The following BMPR2 variants were observed in gnomAD, a reference collection of about 807,000 sequenced individuals.
The protein encoded by BMPR2 is bone morphogenetic protein receptor type-2.
A neutral mutation model predicts 100.8 loss-of-function variants in BMPR2; 29 were observed. The observed-to-expected ratio is 0.29, with a 90% confidence interval of 0.21 to 0.39. The LOEUF is 0.39. Ranked by LOEUF, BMPR2 falls within the 10% of genes least tolerant of loss-of-function variation. BMPR2 has a pLI of 1.00. For missense variants in BMPR2, 1,011 were observed against 1,274.5 expected (o/e 0.79, Z 3.15); for synonymous variants, 382 against 442.3 (o/e 0.86, Z 1.71).
chr2:202,497,786 C>G (rs1693072881), intron 3 of BMPR2, among the ~76,000 whole-genome samples: 1 of 152,194 alleles, frequency 6.6e-6, no homozygotes, highest in South Asian at 2.1e-4. Flanking sequence ...AAATTGCTAC[C>G]TGTCTCTGGT....
At position 202,464,815 on chromosome 2, in the gene BMPR2, A is replaced by G; in HGVS notation, c.83A>G (p.Gln28Arg). Residue 28 changes from glutamine (Q) to arginine (R), a missense_variant, in exon 2 of 13, where the codon CAG becomes CGG. Gln to Arg is a conservative substitution (Grantham distance 43). This residue lies in a region of BMPR2 where 355 missense variants were observed against 455.3 expected (regional missense o/e 0.78). Transcript: ENST00000374580. Reference sequence around the variant, plus strand: ...TTTATTTCCTTTATTTTAGCTTCGCAGAATCAAGAACGGCTATGTGCGTTT... The same window carrying G: ...TTTATTTCCTTTATTTTAGCTTCGCGGAATCAAGAACGGCTATGTGCGTTT... ...ILLVSTAAASQNQERLCAFKD... is the reference protein window; with the variant it reads ...ILLVSTAAASRNQERLCAFKD... The G allele has an allele frequency of 6.2e-7, 1 of 1,610,946 alleles. No homozygotes were observed. The highest frequency in any genetic ancestry group is 8.5e-7 in the Non-Finnish European group (1 of 1,178,860).
At chr2:202,462,617 A>AACC (rs1364420867) in intron 1 of BMPR2, among the ~76,000 whole-genome samples, 1 of 151,322 alleles carries the variant, frequency 6.6e-6, no homozygotes, top group Non-Finnish European at 1.5e-5. Context: ...ATCTGGGATA[A>AACC]ACCACCCCGT....
Position 202,472,646 on chromosome 2 carries a change from C to T in BMPR2, c.418+4957C>T, listed in dbSNP as rs1574466489. Among the ~76,000 whole-genome samples, 3 of 152,244 alleles carry T rather than the reference C, an allele frequency of 2.0e-5. No homozygotes were observed. The East Asian group carries it at 5.8e-4, about 29-fold the overall frequency. On this transcript the variant is annotated intron_variant, in intron 3 of 12. Coordinates refer to ENST00000374580, the MANE Select transcript of BMPR2 (RefSeq NM_001204.7). ...TGCCCTCTAGCCTGGGCAACAGAGACTCCGTCTCAAAAAGAAAAAGAAAGA... is the reference window on the plus strand; with the variant it reads ...TGCCCTCTAGCCTGGGCAACAGAGATTCCGTCTCAAAAAGAAAAAGAAAGA...
At position 202,532,620 on chromosome 2, in the gene BMPR2, A is replaced by T. The variant is rs772624959; in HGVS notation, c.1164A>T (p.Leu388=). 2.5e-6 allele frequency: 4 copies of T among 1,614,034 alleles called. No individual in the cohort carries two copies. Among genetic ancestry groups the T allele is most frequent in the Non-Finnish European group, 3.4e-6 (4 of 1,179,950 alleles). Residue 388 remains leucine (L), a synonymous_variant, in exon 9 of 13, where the codon CTA becomes CTT. Coordinates refer to ENST00000374580, the MANE Select transcript of BMPR2 (RefSeq NM_001204.7). The surrounding 1 kb of genome is among the most constrained non-coding windows in gnomAD (Gnocchi z 4.1). ...TCAGATATATGGCACCAGAAGTGCTAGAAGGAGCTGTGAACTTGAGGGACT... is the reference window on the plus strand; with the variant it reads ...TCAGATATATGGCACCAGAAGTGCTTGAAGGAGCTGTGAACTTGAGGGACT... The part of the protein sequence containing the change: ...GTIRYMAPEV[L]EGAVNLRDCE...
Position 202,530,776 on chromosome 2 carries a change from T to C in BMPR2, c.968-18T>C, listed in dbSNP as rs757032544. ...GTCCCTTTTATTCATTGATAAATAT[T>C]TGAAATTATCCAAACAGATCATTAT... is the stretch of plus-strand genomic sequence containing the variant. On this transcript the variant is annotated intron_variant, in intron 7 of 12. Coordinates refer to ENST00000374580, the MANE Select transcript of BMPR2 (RefSeq NM_001204.7). 8.2e-6 allele frequency: 13 copies of C among 1,590,814 alleles called. No individual in the cohort carries two copies. In the South Asian group the frequency reaches 1.2e-4, roughly 15 times the overall value.
chr2:202,422,206 C>T (rs528842282), intron 1 of BMPR2, among the ~76,000 whole-genome samples: 14 of 152,256 alleles, frequency 9.2e-5, no homozygotes, highest in Middle Eastern at 6.8e-3. Context: ...TGCACCCGGC[C>T]GTTAAAGCTT....
At chr2:202,529,755 T>G (rs1687983629) in intron 7 of BMPR2, among the ~76,000 whole-genome samples, 1 of 152,234 alleles carries the variant, frequency 6.6e-6, no homozygotes, top group Non-Finnish European at 1.5e-5. Context: ...AGTTTCATTA[T>G]TGGTGAAATT....
intron 3 of BMPR2, among the ~76,000 whole-genome samples, chr2:202,496,766 G>T (rs762284979): frequency 6.6e-6 from 1 of 152,216 alleles, no homozygotes; most frequent in Non-Finnish European, 1.5e-5. Context: ...TACCGCCCTC[G>T]CTCGCTCTCA....
chr2:202,499,599 G>A (rs913104712), intron 3 of BMPR2, among the ~76,000 whole-genome samples: 2 of 152,128 alleles, frequency 1.3e-5, no homozygotes, highest in East Asian at 1.9e-4. Context: ...GAGCGGCTAC[G>A]AGAGGCCTTA....
chr2:202,514,126 A>ATTTAT (rs758179887), intron 4 of BMPR2, among the ~76,000 whole-genome samples: 23 of 151,830 alleles, frequency 1.5e-4, no homozygotes, highest in Middle Eastern at 3.4e-3. Context: ...TTTTTTTAAA[A>ATTTAT]TTTATTTTAT....
intron 7 of BMPR2, among the ~76,000 whole-genome samples, chr2:202,525,189 T>C (rs952569682): frequency 6.6e-6 from 1 of 152,036 alleles, no homozygotes; most frequent in African/African-American, 2.4e-5. Flanking sequence ...TATATATTTA[T>C]GAGGTACGTG....
At position 202,425,001 on chromosome 2, in the gene BMPR2, C is replaced by A. The variant is rs190979821; in HGVS notation, c.77-39808C>A. Among the ~76,000 whole-genome samples, 3 of 151,918 alleles carry A rather than the reference C, an allele frequency of 2.0e-5. No individual in the cohort carries two copies. The East Asian group carries it at 5.8e-4, about 30-fold the overall frequency. On this transcript the variant is annotated intron_variant, in intron 1 of 12. Coordinates refer to ENST00000374580, the MANE Select transcript of BMPR2 (RefSeq NM_001204.7). Reference sequence around the variant, plus strand: ...AGAGATGGAGTCTCGCTCTGTCGCCCGGGCTGGAGTGCAGTGGTGCAATCT... The same window carrying A: ...AGAGATGGAGTCTCGCTCTGTCGCCAGGGCTGGAGTGCAGTGGTGCAATCT...
At chr2:202,509,808 C>T (rs1687587892) in intron 3 of BMPR2, among the ~76,000 whole-genome samples, 2 of 152,020 alleles carry the variant, frequency 1.3e-5, no homozygotes, top group South Asian at 2.1e-4. Flanking sequence ...TTCCTTATCA[C>T]TTCTCATTCC....
intron 9 of BMPR2, among the ~76,000 whole-genome samples, chr2:202,537,242 C>G (rs1039736808): frequency 1.3e-5 from 2 of 152,112 alleles, no homozygotes; most frequent in African/African-American, 4.8e-5. Flanking sequence ...TTGGTAATTT[C>G]TTTGTTAATA....
rs1168700539 is a variant in BMPR2, at chr2:202,562,673, G to A, written c.*2727G>A. 3 of 152,136 alleles carry A rather than the reference G, an allele frequency of 2.0e-5. No individual in the cohort carries two copies. The highest frequency in any genetic ancestry group is 7.2e-5 in the African/African-American group (3 of 41,456). The allele number at this position is 152,136 out of a possible 1,614,324, so 9.4% of individuals were successfully genotyped here. On this transcript the variant is annotated 3_prime_UTR_variant, in exon 13 of 13. Coordinates refer to ENST00000374580, the MANE Select transcript of BMPR2 (RefSeq NM_001204.7). ...AAAATTTATTTCACTGGATGGTAAT[G>A]TAACCTTAAAAGCATCATAATAGGT... is the stretch of plus-strand genomic sequence containing the variant.
chr2:202,542,553 GC>G, intron 10 of BMPR2, 106 bp downstream of exon 10: 1 of 1,323,524 alleles, frequency 7.6e-7, no homozygotes, highest in Non-Finnish European at 1.0e-6. Flanking sequence ...TTTTGGAGTT[GC>G]CTAATGCCAC....
intron 1 of BMPR2, among the ~76,000 whole-genome samples, chr2:202,400,888 T>A (rs1482177213): frequency 6.6e-6 from 1 of 152,234 alleles, no homozygotes; most frequent in East Asian, 1.9e-4. Context: ...TACTTAATTC[T>A]ACTTCTATAA....
intron 1 of BMPR2, among the ~76,000 whole-genome samples, chr2:202,402,464 C>A (rs2105911128): frequency 1.3e-5 from 2 of 151,930 alleles, no homozygotes; most frequent in East Asian, 3.9e-4. Flanking sequence ...TTGCAGTGAG[C>A]TGAGATCACA....
At chr2:202,457,400 A>G (rs1574459169) in intron 1 of BMPR2, among the ~76,000 whole-genome samples, 1 of 151,514 alleles carries the variant, frequency 6.6e-6, no homozygotes. Context: ...TTTCATGACT[A>G]TTATCTATTT....
Sources: allele counts gnomAD v4.1 joint callset (sites outside exome capture counted in the v4.1 genomes callset), GRCh38; gene constraint gnomAD v4.1.1; regional missense constraint gnomAD v4.1.1; non-coding constraint Gnocchi (gnomAD v3.1); transcripts MANE v1.5; gene names NCBI Gene and HGNC (gene_info 2026-07-23, HGNC 2026-07-21).